The following NPHP3 variants were observed in gnomAD, a reference collection of about 807,000 sequenced individuals.
NPHP3 encodes the protein nephrocystin 3.
Under a neutral mutation model 171.9 loss-of-function variants are expected in NPHP3, and 123 were observed. That is an observed-to-expected ratio of 0.72 (90% CI 0.62 to 0.83). The LOEUF (loss-of-function observed/expected upper bound fraction) is 0.83. NPHP3 is among the 40% of genes least tolerant of loss of function. The probability of loss-of-function intolerance (pLI) is 0.00; values close to 1 mark genes in which losing one functional copy is unlikely to be tolerated. For missense variants in NPHP3, 1,506 were observed against 1,591.9 expected (o/e 0.95, Z 0.92); for synonymous variants, 558 against 579.2 (o/e 0.96, Z 0.52).
chr3:132,700,831 A>G (rs2107981857), intron 10 of NPHP3, among the ~76,000 whole-genome samples: 1 of 152,298 alleles, frequency 6.6e-6, no homozygotes, highest in Admixed American at 6.5e-5. Context: ...AAAGGAGACA[A>G]CTACATATGC....
intron 13 of NPHP3, 43 bp from the exon 14 acceptor site, chr3:132,697,405 C>A (rs749265781): frequency 7.8e-7 from 1 of 1,274,098 alleles, no homozygotes; most frequent in African/African-American, 1.5e-5. Flanking sequence ...AATAATACAA[C>A]AAGAACTGTA....
intron 16 of NPHP3, chr3:132,693,103 G>A: frequency 3.1e-6 from 1 of 318,836 alleles, no homozygotes; most frequent in Non-Finnish European, 5.8e-6. Context: ...TATAATTAAT[G>A]GCAGAATTCC....
At chr3:132,712,374 G>A (rs1939934088) in intron 6 of NPHP3, 2 of 453,854 alleles carry the variant, frequency 4.4e-6, no homozygotes, top group South Asian at 3.1e-5. Context: ...AACTTTTTCT[G>A]TAAAAGGCCA....
intron 7 of NPHP3, among the ~76,000 whole-genome samples, chr3:132,706,089 G>A (rs1190442543): frequency 6.6e-6 from 1 of 152,144 alleles, no homozygotes; most frequent in Non-Finnish European, 1.5e-5. Flanking sequence ...GCCAGGCGCG[G>A]TGGCTCATGC....
chr3:132,713,427 A>T, intron 5 of NPHP3, 141 bp from the exon 6 acceptor site: 1 of 500,446 alleles, frequency 2.0e-6, no homozygotes, highest in Non-Finnish European at 3.4e-6. Context: ...AAATAATCAC[A>T]TTTTAAAGAA....
chr3:132,716,895 A>G lies in NPHP3; in HGVS notation c.685T>C (p.Cys229Arg), dbSNP rs770021088. The change falls in exon 4 of 27, where the codon TGT (cysteine) becomes CGT (arginine). Residue 229 changes from cysteine to arginine, a missense_variant. Transcript: ENST00000337331. ...CTDVTAAGTQ[C>R]EYWTGGALGS... Reference sequence around the variant, plus strand: ...AAGGCTCCGCCAGTCCAATATTCACATTGGGTTCCAGCAGCTGTTCAGCAA... The same window carrying G: ...AAGGCTCCGCCAGTCCAATATTCACGTTGGGTTCCAGCAGCTGTTCAGCAA... 2 of 1,614,022 alleles carry G rather than the reference A, an allele frequency of 1.2e-6. No homozygotes were observed. The highest frequency in any genetic ancestry group is 1.1e-5 in the South Asian group (1 of 91,086).
chr3:132,714,101 T>C (rs1939984331), intron 5 of NPHP3, among the ~76,000 whole-genome samples: 1 of 152,256 alleles, frequency 6.6e-6, no homozygotes, highest in Non-Finnish European at 1.5e-5. Flanking sequence ...TCTATCACAA[T>C]TTACTCTGCC....
At chr3:132,695,030 C>A (rs371430742) in intron 15 of NPHP3, 65 bp from the exon 16 acceptor site, 14 of 1,506,068 alleles carry the variant, frequency 9.3e-6, no homozygotes, top group Non-Finnish European at 1.3e-5. Context: ...ATTTTGAGAT[C>A]GATTAAAAAC....
chr3:132,705,766 T>C lies in NPHP3; in HGVS notation c.1324A>G (p.Ile442Val). The C allele has an allele frequency of 2.0e-6, 3 of 1,478,976 alleles. No individual in the cohort carries two copies. The highest frequency in any genetic ancestry group is 2.3e-5 in the South Asian group (2 of 87,636). 91.6% of individuals were successfully genotyped at this position (1,478,976 alleles called of 1,614,324 possible). ...DPAEGVYKTY[I>V]CVEKIIKQDI... ...TGTTTAATAATCTTTTCTACACAAA[T>C]ATAAGTTTTATATACTCCTTCTGCA... The change falls in exon 8 of 27, where the codon ATT becomes GTT. Residue 442 changes from isoleucine to valine, a missense_variant. Ile to Val is a conservative substitution (Grantham distance 29). This residue lies in a region of NPHP3 where 930 missense variants were observed against 924.9 expected (regional missense o/e 1.01). Coordinates refer to ENST00000337331, the MANE Select transcript of NPHP3 (RefSeq NM_153240.5).
intron 24 of NPHP3, among the ~76,000 whole-genome samples, chr3:132,684,129 G>C (rs1054493741): frequency 4.6e-5 from 7 of 152,146 alleles, no homozygotes; most frequent in African/African-American, 1.7e-4. Context: ...TACAGGCAAA[G>C]CCAAGAAAGA....
At chr3:132,683,578 A>T in intron 24 of NPHP3, 54 bp from the exon 25 acceptor site, 2 of 1,433,190 alleles carry the variant, frequency 1.4e-6, no homozygotes, top group African/African-American at 2.8e-5. Flanking sequence ...ATACTATCTT[A>T]TCAGAGCTTT....
At chr3:132,691,040 CT>C (rs1939286486) in intron 18 of NPHP3, 151 bp downstream of exon 18, 2 of 730,408 alleles carry the variant, frequency 2.7e-6, no homozygotes, top group East Asian at 5.0e-5. Flanking sequence ...ATCTTTTGCT[CT>C]TTTGACATTA....
chr3:132,702,798 CT>C (rs1939649706), intron 9 of NPHP3, among the ~76,000 whole-genome samples: 1 of 152,140 alleles, frequency 6.6e-6, no homozygotes, highest in African/African-American at 2.4e-5. Context: ...AGAAATGATA[CT>C]TCTGAAGGAG....
chr3:132,704,259 T>G lies in NPHP3; in HGVS notation c.1463A>C (p.Gln488Pro), dbSNP rs1382631678. 6.2e-7 allele frequency: 1 copy of G among 1,614,092 alleles called. No individual in the cohort carries two copies. The highest frequency in any genetic ancestry group is 1.3e-5 in the African/African-American group (1 of 74,942). Residue 488 changes from glutamine (Q) to proline (P), a missense_variant, in exon 9 of 27, where the codon CAA becomes CCA. Around this residue, in one of 3 missense-constraint regions of NPHP3, gnomAD observed 930 missense variants for 924.9 expected, o/e 1.01. Coordinates refer to ENST00000337331, the MANE Select transcript of NPHP3 (RefSeq NM_153240.5). The stretch of plus-strand genomic sequence containing the variant: ...CTGCTGAAAAGTTTCCATTTGCTCT[T>G]GTTCATCATGTATGTCCCACAGAAC... ...GDVLWDIHDE[Q>P]EQMETFQQAS...
rs1375468726 is a variant in NPHP3, at chr3:132,689,130, C to T, written c.2827G>A (p.Ala943Thr). The T allele has an allele frequency of 6.2e-7, 1 of 1,614,022 alleles. No individual in the cohort carries two copies. Among genetic ancestry groups the T allele is most frequent in the East Asian group, 2.2e-5 (1 of 44,880 alleles). The change falls in exon 20 of 27, where the codon GCT becomes ACT. Residue 943 changes from alanine to threonine, a missense_variant. Transcript: ENST00000337331. The stretch of plus-strand genomic sequence containing the variant: ...CGCCCCAAGGTTTCATAAAGATCAG[C>T]TAAGCAACTCATGTTGTCCTCGCCT... Reference protein sequence around the residue: ...CEGEDNMSCLADLYETLGRFL... With the variant: ...CEGEDNMSCLTDLYETLGRFL...
intron 22 of NPHP3, 25 bp downstream of exon 22, chr3:132,687,121 AAACAC>A (rs1447834792): frequency 1.8e-6 from 2 of 1,142,336 alleles, no homozygotes; most frequent in Non-Finnish European, 2.7e-6. Flanking sequence ...CTTACGTTCA[AAACAC>A]AACACAAAAG....
At chr3:132,719,918 ATGTTACGTATCTT>A in intron 1 of NPHP3, 88 bp from the exon 2 acceptor site, 3 of 443,678 alleles carry the variant, frequency 6.8e-6, no homozygotes, top group Non-Finnish European at 9.9e-6. Context: ...ATATATATAT[ATGTTACGTATCTT>A]AGAATTTTAA....
chr3:132,716,044 C>A (rs1560015810), intron 4 of NPHP3, among the ~76,000 whole-genome samples: 1 of 119,724 alleles, frequency 8.4e-6, no homozygotes, highest in African/African-American at 3.6e-5. Context: ...TGCAGCCCAA[C>A]ACAACATTGT....
intron 7 of NPHP3, among the ~76,000 whole-genome samples, chr3:132,706,713 G>T (rs1278350154): frequency 6.6e-6 from 1 of 152,134 alleles, no homozygotes; most frequent in East Asian, 1.9e-4. Context: ...ATGGCAGAGA[G>T]ATCTTATTTC....
Sources: gnomAD v4.1 joint callset for allele counts (sites outside exome capture counted in the v4.1 genomes callset) on GRCh38, gnomAD v4.1.1 for gene constraint, gnomAD v4.1.1 regional missense constraint, MANE v1.5 for transcripts, NCBI Gene and HGNC (gene_info 2026-07-23, HGNC 2026-07-21) for gene names.